RACGAP1: variants seen among roughly 807,000 people sequenced by gnomAD.
The protein encoded by RACGAP1 is Rac GTPase activating protein 1, also known as rac GTPase-activating protein 1.
In RACGAP1, 30 loss-of-function variants were observed where a neutral mutation model predicts 78.1. The ratio of observed to expected loss-of-function variants is 0.38; its 90% CI spans 0.29 to 0.52. The LOEUF is 0.52. RACGAP1 is among the 20% of genes least tolerant of loss of function. The pLI is 0.82. For missense variants in RACGAP1, 587 were observed against 777.1 expected (o/e 0.76, Z 2.91); for synonymous variants, 231 against 264.8 (o/e 0.87, Z 1.24).
chr12:49,994,466 G>A lies in RACGAP1; in HGVS notation c.1088C>T (p.Pro363Leu). 6.2e-7 allele frequency: 1 copy of A among 1,613,988 alleles called. No individual in the cohort carries two copies. Among genetic ancestry groups the A allele is most frequent in the Non-Finnish European group, 8.5e-7 (1 of 1,180,016 alleles). The change falls in exon 11 of 17, where the codon CCC becomes CTC. Residue 363 changes from proline to leucine, a missense_variant. Pro to Leu is a moderately conservative substitution (Grantham distance 98). Transcript: ENST00000312377. ...DFVSQTSPMI[P>L]SIVVHCVNEI... ...ATTTACACAATGCACAACAATGGAG[G>A]GGATCATTGGAGAAGTCTGGGACAC... is the stretch of plus-strand genomic sequence containing the variant.
chr12:50,023,372 G>A lies in RACGAP1; in HGVS notation c.-5+2026C>T, dbSNP rs1950107282. ...TAAGTTCTGTTACCCCAAATTAACT[G>A]CACATTCTTTAAGACCAAATAAGAC... On this transcript the variant is annotated intron_variant, in intron 1 of 16. Coordinates refer to ENST00000312377, the MANE Select transcript of RACGAP1 (RefSeq NM_001319999.2). Among the ~76,000 whole-genome samples the A allele has an allele frequency of 2.0e-5, 3 of 152,158 alleles. No homozygotes were observed. In the South Asian group the frequency reaches 6.2e-4, roughly 31 times the overall value.
chr12:50,032,306 G>A (rs1465440020), intron 1 of RACGAP1, among the ~76,000 whole-genome samples: 1 of 152,130 alleles, frequency 6.6e-6, no homozygotes, highest in African/African-American at 2.4e-5. Context: ...AGAGAAGAAG[G>A]GATGGTACTC....
chr12:50,029,272 G>A (rs1160742292), upstream of RACGAP1, among the ~76,000 whole-genome samples: 1 of 149,638 alleles, frequency 6.7e-6, no homozygotes, highest in African/African-American at 2.5e-5. Flanking sequence ...TATAGTCCCA[G>A]CTACTCAGGA....
At chr12:49,996,988 T>C (rs1291537766) in intron 10 of RACGAP1, 52 bp downstream of exon 10, 4 of 1,419,552 alleles carry the variant, frequency 2.8e-6, no homozygotes, top group Non-Finnish European at 3.7e-6. Context: ...ACTAAGCCTT[T>C]GAAAGGCGAA....
chr12:50,023,561 G>A (rs1480348504), intron 1 of RACGAP1, among the ~76,000 whole-genome samples: 1 of 151,722 alleles, frequency 6.6e-6, no homozygotes, highest in Non-Finnish European at 1.5e-5. Context: ...TGGTGAAACC[G>A]TATCTCTATT....
chr12:50,024,481 A>T (rs1950176543), intron 1 of RACGAP1, among the ~76,000 whole-genome samples: 1 of 152,190 alleles, frequency 6.6e-6, no homozygotes, highest in Non-Finnish European at 1.5e-5. Context: ...ACAGAGTGGA[A>T]TAATACACAC....
chr12:49,999,386 G>A, intron 8 of RACGAP1, 115 bp from the exon 9 acceptor site: 1 of 1,309,592 alleles, frequency 7.6e-7, no homozygotes, highest in Non-Finnish European at 1.0e-6. Flanking sequence ...CCAAAAGTGA[G>A]AACTAATGGC....
At chr12:50,026,607 A>G (rs1181575216), upstream of RACGAP1, among the ~76,000 whole-genome samples, 2 of 152,182 alleles carry the variant, frequency 1.3e-5, no homozygotes, top group Non-Finnish European at 2.9e-5. Context: ...CAGTGTATAC[A>G]TACATCAAAA....
chr12:49,994,541 T>A (rs373767881), intron 10 of RACGAP1, 32 bp from the exon 11 acceptor site: 4 of 1,601,378 alleles, frequency 2.5e-6, no homozygotes, highest in Non-Finnish European at 3.4e-6. Context: ...AAATTATTAT[T>A]TACGCCATGT....
Position 50,005,383 on chromosome 12 carries a change from T to C in RACGAP1, c.298A>G (p.Ile100Val). ...EADCEKLERQIQLIREMLMCD... is the reference protein window; with the variant it reads ...EADCEKLERQVQLIREMLMCD... Reference sequence around the variant, plus strand: ...ATGAGCATCTCTCGAATCAGCTGAATCTGTCGTTCCTACAGACCAAAGCAA... The same window carrying C: ...ATGAGCATCTCTCGAATCAGCTGAACCTGTCGTTCCTACAGACCAAAGCAA... The change falls in exon 4 of 17, where the codon ATT (isoleucine) becomes GTT (valine). Residue 100 changes from isoleucine (I) to valine (V), a missense_variant. Transcript: ENST00000312377. The C allele has an allele frequency of 1.9e-6, 3 of 1,614,158 alleles. No homozygotes were observed.
At position 49,990,359 on chromosome 12, in the gene RACGAP1, A is replaced by G. The variant is rs1947750620; in HGVS notation, c.1824-16T>C. ...GCTCCCAAATCTACAATAAAAAGAG[A>G]ATGAACTGGAAAAATATTCTATAAA... On this transcript the variant is annotated splice_polypyrimidine_tract_variant and intron_variant, in intron 16 of 16. Transcript: ENST00000312377. 6.3e-7 allele frequency: 1 copy of G among 1,591,530 alleles called. No homozygotes were observed. The highest frequency in any genetic ancestry group is 2.2e-5 in the East Asian group (1 of 44,724).
chr12:50,031,478 C>A (rs1411441092), intron 2 of RACGAP1, among the ~76,000 whole-genome samples: 65 of 71,884 alleles, frequency 9.0e-4, no homozygotes, highest in South Asian at 2.4e-3. Context: ...GACTCCATCT[C>A]AAAAAAAAAA....
chr12:50,004,055 T>C (rs928970808), intron 5 of RACGAP1, among the ~76,000 whole-genome samples, 180 bp downstream of exon 5: 3 of 152,230 alleles, frequency 2.0e-5, no homozygotes, highest in South Asian at 2.1e-4. Context: ...GAAACTAATA[T>C]ATAAGCCAGC....
chr12:50,011,737 T>A (rs1044361845), intron 2 of RACGAP1, among the ~76,000 whole-genome samples: 1 of 151,742 alleles, frequency 6.6e-6, no homozygotes, highest in Non-Finnish European at 1.5e-5. Context: ...AGGAGGATCA[T>A]GAGGTCAGGA....
At chr12:49,993,826 C>T (rs771576723) in intron 12 of RACGAP1, among the ~76,000 whole-genome samples, 6 of 150,938 alleles carry the variant, frequency 4.0e-5, no homozygotes, top group Non-Finnish European at 7.4e-5. Context: ...GCAGGCAAAT[C>T]ACAGGGCAGG....
At chr12:49,995,417 G>T (rs1003944140) in intron 10 of RACGAP1, among the ~76,000 whole-genome samples, 2 of 151,942 alleles carry the variant, frequency 1.3e-5, no homozygotes, top group Non-Finnish European at 2.9e-5. Flanking sequence ...GTAAGATCAG[G>T]GGAAAATAAT....
At chr12:49,997,892 T>C (rs1423645212) in intron 9 of RACGAP1, among the ~76,000 whole-genome samples, 2 of 152,004 alleles carry the variant, frequency 1.3e-5, no homozygotes, top group East Asian at 3.9e-4. Flanking sequence ...TCAACTAACA[T>C]TTATTGAGCA....
Position 49,990,729 on chromosome 12 carries a change from G to C in RACGAP1, c.1778C>G (p.Ser593Cys). 2 of 1,614,040 alleles carry C rather than the reference G, an allele frequency of 1.2e-6. No individual in the cohort carries two copies. Among genetic ancestry groups the C allele is most frequent in the Non-Finnish European group, 1.7e-6 (2 of 1,179,960 alleles). ...HQLLKTPSSS[S>C]LSQRVRSTLT... is the part of the protein sequence containing the mutation. Reference sequence around the variant, plus strand: ...GGTGGAACGGACTCTCTGTGACAGGGAACTAGATGAAGGAGTCTTGAGAAG... The same window carrying C: ...GGTGGAACGGACTCTCTGTGACAGGCAACTAGATGAAGGAGTCTTGAGAAG... Residue 593 changes from serine (S) to cysteine (C), a missense_variant, in exon 16 of 17, where the codon TCC becomes TGC. Coordinates refer to ENST00000312377, the MANE Select transcript of RACGAP1 (RefSeq NM_001319999.2).
chr12:50,028,089 A>G (rs116570143), upstream of RACGAP1, among the ~76,000 whole-genome samples: 263 of 152,304 alleles, frequency 1.7e-3, 1 homozygote, highest in African/African-American at 6.2e-3. Flanking sequence ...TTGTCTTTGG[A>G]TAGAACATAT....
Sources: allele counts gnomAD v4.1 joint callset (sites outside exome capture counted in the v4.1 genomes callset), GRCh38; gene constraint gnomAD v4.1.1; transcripts MANE v1.5; gene names NCBI Gene and HGNC (gene_info 2026-07-23, HGNC 2026-07-21).